ST6GALNAC2: variants seen among roughly 807,000 people sequenced by gnomAD.
The protein encoded by ST6GALNAC2 is alpha-N-acetylgalactosaminide alpha-2,6-sialyltransferase 2.
ST6GALNAC2 carries 42 observed loss-of-function variants against 38.7 expected under a neutral mutation model. The ratio of observed to expected loss-of-function variants is 1.09; its 90% confidence interval spans 0.85 to 1.40. ST6GALNAC2 has a LOEUF of 1.40. ST6GALNAC2 is among the 40% of genes most tolerant of loss of function. The pLI, the probability that ST6GALNAC2 is intolerant of heterozygous loss-of-function variation, is 0.00. For synonymous variants in ST6GALNAC2, 233 were observed against 209.0 expected (o/e 1.11, Z -0.99); for missense variants, 506 against 481.7 (o/e 1.05, Z -0.47).
At chr17:76,571,503 A>G (rs1001669870) in intron 5 of ST6GALNAC2, among the ~76,000 whole-genome samples, 3 of 152,214 alleles carry the variant, frequency 2.0e-5, no homozygotes, top group Admixed American at 2.0e-4. Context: ...CTGAGGCAGG[A>G]GAATCGCTTG....
chr17:76,576,703 G>T (rs1400279150), intron 2 of ST6GALNAC2, among the ~76,000 whole-genome samples: 1 of 152,172 alleles, frequency 6.6e-6, no homozygotes, highest in Non-Finnish European at 1.5e-5. Flanking sequence ...GGGCACGGTG[G>T]CTCATGCCTA....
At chr17:76,579,227 T>G (rs1335366938) in intron 1 of ST6GALNAC2, among the ~76,000 whole-genome samples, 1 of 152,242 alleles carries the variant, frequency 6.6e-6, no homozygotes, top group Non-Finnish European at 1.5e-5. Flanking sequence ...CTCTGTGCTC[T>G]TATTCTTGCC....
chr17:76,577,479 A>G (rs1220070081), intron 2 of ST6GALNAC2, among the ~76,000 whole-genome samples: 1 of 151,836 alleles, frequency 6.6e-6, no homozygotes, highest in Non-Finnish European at 1.5e-5. Flanking sequence ...GGTGGAAAAG[A>G]GTTTAGGAAG....
In ST6GALNAC2 at chr17:76,565,399, C is replaced by CTGGTGACATCATCCTGT. The variant is rs58191917; in HGVS notation, c.*688_*704dup. 93,174 of 150,882 alleles carry CTGGTGACATCATCCTGT rather than the reference C, an allele frequency of 0.62. 28,988 individuals carry two copies. Among genetic ancestry groups the CTGGTGACATCATCCTGT allele is most frequent in the East Asian group, 0.66 (3,368 of 5,086 alleles). 9.3% of individuals were successfully genotyped at this position (150,882 alleles called of 1,614,324 possible). A position where few individuals can be genotyped will look rare whatever the true frequency, so the allele number is the denominator to read the frequency against. On this transcript the variant is annotated 3_prime_UTR_variant, in exon 9 of 9. Transcript: ENST00000225276. ...TGATATGAGGATGAAGGTTTATTAC[C>CTGGTGACATCATCCTGT]TGGTGACATCATCCTGTTGGTGACA... is the stretch of plus-strand genomic sequence containing the variant.
rs766625983 is a variant in ST6GALNAC2, at chr17:76,574,479, G to T, written c.247C>A (p.Leu83Met). 4.8e-5 allele frequency: 77 copies of T among 1,613,768 alleles called. 1 individual carries two copies. In the South Asian group the frequency reaches 8.2e-4, roughly 17 times the overall value. The change falls in exon 3 of 9, where the codon CTG becomes ATG. Residue 83 changes from leucine to methionine, a missense_variant. Leu to Met is a conservative substitution (Grantham distance 15, BLOSUM62 2). Transcript: ENST00000225276. ...AIQRHPHFRG[L>M]FNLSIPVLLW... is the part of the protein sequence containing the mutation. ...AGCACTGGAATGGAGAGATTGAACAGGCCACGGAAGTGGGGGTGCCGCTGA... is the reference window on the plus strand; with the variant it reads ...AGCACTGGAATGGAGAGATTGAACATGCCACGGAAGTGGGGGTGCCGCTGA...
chr17:76,567,766 C>T (rs2075303265), intron 7 of ST6GALNAC2: 1 of 489,096 alleles, frequency 2.0e-6, no homozygotes, highest in Admixed American at 3.4e-5. Context: ...ACAGGTTCCC[C>T]CTTTTGGCAA....
At chr17:76,569,502 G>C in intron 6 of ST6GALNAC2, 1 of 196,344 alleles carries the variant, frequency 5.1e-6, no homozygotes. Context: ...GGGTGGGAGG[G>C]TGGGAGGGGG....
chr17:76,578,796 G>A lies in ST6GALNAC2; in HGVS notation c.146C>T (p.Ala49Val), dbSNP rs2075445267. The A allele has an allele frequency of 2.5e-6, 4 of 1,613,604 alleles. No homozygotes were observed. The East Asian group carries it at 6.7e-5, about 27-fold the overall frequency. The change falls in exon 2 of 9, where the codon GCA becomes GTA. Residue 49 changes from alanine to valine, a missense_variant. Transcript: ENST00000225276. ...ATTCGATGCCTTGGATTGAAAGAAT[G>A]CTTCAAATGATGTGGTGTCCCTGGG... Reference protein sequence around the residue: ...AGARDTTSFEAFFQSKASNSW... With the variant: ...AGARDTTSFEVFFQSKASNSW...
At chr17:76,585,355 C>G (rs2075532878) in intron 1 of ST6GALNAC2, among the ~76,000 whole-genome samples, 1 of 152,246 alleles carries the variant, frequency 6.6e-6, no homozygotes, top group African/African-American at 2.4e-5. Flanking sequence ...TTCGGGGACC[C>G]AGCCAGATTT....
In ST6GALNAC2 at chr17:76,567,537, C is replaced by G; in HGVS notation, c.873G>C (p.Lys291Asn). 6.2e-7 allele frequency: 1 copy of G among 1,613,678 alleles called. No individual in the cohort carries two copies. The highest frequency in any genetic ancestry group is 8.5e-7 in the Non-Finnish European group (1 of 1,179,738). The change falls in exon 8 of 9, where the codon AAG becomes AAC. Residue 291 changes from lysine (K) to asparagine (N), a missense_variant. Physicochemically the swap from Lys to Asn is moderately conservative, Grantham distance 94 (BLOSUM62 0). Transcript: ENST00000225276. ...SYLTERFLKS[K>N]LINTHFGDLY... ...GGTCTCCAAAATGTGTGTTAATCAA[C>G]TTTGATTTCAAGAACCTGGAAGCAA...
chr17:76,567,505 A>C lies in ST6GALNAC2; in HGVS notation c.905T>G (p.Met302Arg). The change falls in exon 8 of 9, where the codon ATG (methionine) becomes AGG (arginine). Residue 302 changes from methionine (M) to arginine (R), a missense_variant. Met to Arg is a moderately conservative substitution (Grantham distance 91). Transcript: ENST00000225276. ...LINTHFGDLYMPSTGALMLLT... is the reference protein window; with the variant it reads ...LINTHFGDLYRPSTGALMLLT... ...CAGCATGAGAGCCCCGGTACTAGGC[A>C]TATATAGGTCTCCAAAATGTGTGTT... 2.5e-6 allele frequency: 4 copies of C among 1,614,028 alleles called. No individual in the cohort carries two copies. The highest frequency in any genetic ancestry group is 3.4e-6 in the Non-Finnish European group (4 of 1,180,002).
chr17:76,580,251 T>A (rs1004527145), intron 1 of ST6GALNAC2, among the ~76,000 whole-genome samples: 1 of 151,992 alleles, frequency 6.6e-6, no homozygotes, highest in Non-Finnish European at 1.5e-5. Flanking sequence ...AAACCCCATC[T>A]CTACTAAAAA....
At chr17:76,584,452 G>T (rs2075519645) in intron 1 of ST6GALNAC2, among the ~76,000 whole-genome samples, 1 of 152,164 alleles carries the variant, frequency 6.6e-6, no homozygotes, top group Non-Finnish European at 1.5e-5. Flanking sequence ...GATACTTTGT[G>T]TTTTAAACAT....
Position 76,585,844 on chromosome 17 carries a change from T to G in ST6GALNAC2, c.-36A>C, listed in dbSNP as rs915535910. The G allele has an allele frequency of 2.8e-5, 42 of 1,514,302 alleles. No homozygotes were observed. The highest frequency in any genetic ancestry group is 3.7e-5 in the Non-Finnish European group (42 of 1,134,260). 93.8% of individuals were successfully genotyped at this position (1,514,302 alleles called of 1,614,324 possible). On this transcript the variant is annotated 5_prime_UTR_variant, in exon 1 of 9. Transcript: ENST00000225276. ...CCCGCGAGCGCCCCGTCCGCTGACG[T>G]CCCAGGCAGAAGGGAGAGAACCGGG... is the stretch of plus-strand genomic sequence containing the variant.
intron 1 of ST6GALNAC2, among the ~76,000 whole-genome samples, chr17:76,581,309 G>A (rs2075472316): frequency 6.6e-6 from 1 of 152,068 alleles, no homozygotes; most frequent in South Asian, 2.1e-4. Context: ...GAACTAGGAC[G>A]GTGGTGCTCA....
In ST6GALNAC2 at chr17:76,574,393, C is replaced by A. The variant is rs755002554; in HGVS notation, c.333G>T (p.Pro111=). ...LWDRLSQHKA[P]YGWRGLSHQV... ...GGTGAGAGAGCCCCCGCCAGCCATA[C>A]GGGGCTTTGTGTTGGCTCAGGCGGT... The change falls in exon 3 of 9, where the codon CCG becomes CCT. Residue 111 remains proline, a synonymous_variant. Transcript: ENST00000225276. The A allele has an allele frequency of 1.2e-6, 2 of 1,613,536 alleles. No homozygotes were observed. Among genetic ancestry groups the A allele is most frequent in the South Asian group, 2.2e-5 (2 of 91,066 alleles).
chr17:76,583,601 CCTT>C (rs139178153), intron 1 of ST6GALNAC2, among the ~76,000 whole-genome samples: 85,302 of 140,306 alleles, frequency 0.61, 25,739 homozygotes, highest in East Asian at 0.81. Flanking sequence ...TTGGTGAAGG[CCTT>C]TTTTTTTTTT....
chr17:76,577,658 C>T (rs1342628287), intron 2 of ST6GALNAC2, among the ~76,000 whole-genome samples: 1 of 150,762 alleles, frequency 6.6e-6, no homozygotes, highest in Non-Finnish European at 1.5e-5. Flanking sequence ...TCACTGCAAC[C>T]TCCGTCTCCT....
intron 2 of ST6GALNAC2, among the ~76,000 whole-genome samples, chr17:76,576,088 A>C (rs1013389164): frequency 6.7e-6 from 1 of 149,190 alleles, no homozygotes; most frequent in East Asian, 1.9e-4. Context: ...CTGCAAAAAA[A>C]TGTTTTTTCA....
Sources: allele counts gnomAD v4.1 joint callset (sites outside exome capture counted in the v4.1 genomes callset), GRCh38; gene constraint gnomAD v4.1.1; transcripts MANE v1.5; gene names NCBI Gene and HGNC (gene_info 2026-07-23, HGNC 2026-07-21).